TTLL1: variants seen among roughly 807,000 people sequenced by gnomAD.
TTLL1 encodes the protein polyglutamylase complex subunit TTLL1.
A neutral mutation model predicts 47.8 loss-of-function variants in TTLL1; 33 were observed. The ratio of observed to expected loss-of-function variants is 0.69; its 90% CI spans 0.52 to 0.92. The LOEUF is 0.92. TTLL1 is among the 40% of genes least tolerant of loss of function. The pLI is 0.00. For missense variants in TTLL1, 488 were observed against 547.5 expected (o/e 0.89, Z 1.08); for synonymous variants, 225 against 214.1 (o/e 1.05, Z -0.45).
In TTLL1 at chr22:43,063,834, G is replaced by A. The variant is rs140652641; in HGVS notation, c.726C>T (p.Asn242=). The change falls in exon 7 of 11, where the codon AAC becomes AAT. Residue 242 remains asparagine, a synonymous_variant. Coordinates refer to ENST00000266254, the MANE Select transcript of TTLL1 (RefSeq NM_012263.5). ...ELDNMFVHLT[N]VAIQKHGEDY... is the part of the protein sequence containing the mutation. Reference sequence around the variant, plus strand: ...TCACCCCGTGTTTCTGGATGGCGACGTTGGTGAGATGAACGAACATGTTGT... The same window carrying A: ...TCACCCCGTGTTTCTGGATGGCGACATTGGTGAGATGAACGAACATGTTGT... The A allele has an allele frequency of 6.8e-5, 109 of 1,613,884 alleles. 1 individual carries two copies. The highest frequency in any genetic ancestry group is 2.6e-4 in the South Asian group (24 of 91,080).
chr22:43,086,457 T>C (rs1021372102), intron 1 of TTLL1, among the ~76,000 whole-genome samples: 1 of 152,074 alleles, frequency 6.6e-6, no homozygotes, highest in East Asian at 1.9e-4. Context: ...AGGTTTCCCA[T>C]GAACACCCTG....
chr22:43,057,408 C>T (rs902241874), intron 8 of TTLL1, among the ~76,000 whole-genome samples: 7 of 152,108 alleles, frequency 4.6e-5, no homozygotes, highest in African/African-American at 1.7e-4. Context: ...CTGTGCCCGG[C>T]CAATTTCATA....
In TTLL1 at chr22:43,059,236, C is replaced by T. The variant is rs548610285; in HGVS notation, c.891+148G>A. On this transcript the variant is annotated intron_variant, in intron 8 of 10. Coordinates refer to ENST00000266254, the MANE Select transcript of TTLL1 (RefSeq NM_012263.5). ...CTCAAACTTCTGACCTCAGGTGATC[C>T]GCCCGCCTCGGCCTCCCAGCTTGCT... 2.0e-5 allele frequency: 23 copies of T among 1,140,608 alleles called. No homozygotes were observed. The Admixed American group carries it at 4.5e-4, about 22-fold the overall frequency. 70.7% of individuals were successfully genotyped at this position (1,140,608 alleles called of 1,614,324 possible).
At position 43,057,231 on chromosome 22, in the gene TTLL1, T is replaced by C. The variant is rs537712367; in HGVS notation, c.891+2153A>G. On this transcript the variant is annotated intron_variant, in intron 8 of 10. Coordinates refer to ENST00000266254, the MANE Select transcript of TTLL1 (RefSeq NM_012263.5). ...CTGCAGTGGGCTGAGATTGTGCCAC[T>C]GCACTCCAGCCTGGTCGACAGAATG... 2.7e-5 allele frequency among the ~76,000 whole-genome samples: 4 copies of C among 149,058 alleles called. No individual in the cohort carries two copies. In the South Asian group the frequency reaches 8.4e-4, roughly 31 times the overall value.
At chr22:43,084,418 G>A (rs944093193) in intron 1 of TTLL1, among the ~76,000 whole-genome samples, 6 of 152,152 alleles carry the variant, frequency 3.9e-5, no homozygotes, top group African/African-American at 1.4e-4. Context: ...CCAAAGTGTT[G>A]GGATTACAGG....
At chr22:43,083,348 G>A (rs1770941593) in intron 1 of TTLL1, among the ~76,000 whole-genome samples, 1 of 151,736 alleles carries the variant, frequency 6.6e-6, no homozygotes, top group Non-Finnish European at 1.5e-5. Flanking sequence ...CAGCCTGGGC[G>A]ACAGAGCGAG....
At chr22:43,044,591 C>A (rs1925953052) in intron 10 of TTLL1, among the ~76,000 whole-genome samples, 1 of 152,158 alleles carries the variant, frequency 6.6e-6, no homozygotes, top group Admixed American at 6.6e-5. Flanking sequence ...TAACTGTGAT[C>A]CTAACACACC....
intron 1 of TTLL1, among the ~76,000 whole-genome samples, chr22:43,086,142 G>A (rs574118002): frequency 2.6e-5 from 4 of 152,300 alleles, no homozygotes; most frequent in African/African-American, 4.8e-5. Flanking sequence ...AACAGAAAAC[G>A]GAAGTGGGGT....
intron 8 of TTLL1, among the ~76,000 whole-genome samples, chr22:43,058,758 G>A (rs1927194726): frequency 1.3e-5 from 2 of 151,966 alleles, no homozygotes; most frequent in Admixed American, 1.3e-4. Flanking sequence ...GCAATGGCGC[G>A]ATCGCGGCTC....
intron 5 of TTLL1, among the ~76,000 whole-genome samples, chr22:43,066,004 C>T (rs1927706315): frequency 6.6e-6 from 1 of 151,424 alleles, no homozygotes; most frequent in African/African-American, 2.4e-5. Context: ...ACTAAAAATA[C>T]AAAAATTAGC....
intron 3 of TTLL1, among the ~76,000 whole-genome samples, chr22:43,072,489 A>G (rs528556721): frequency 6.9e-6 from 1 of 145,350 alleles, no homozygotes; most frequent in East Asian, 2.1e-4. Context: ...TCTTTCTTTT[A>G]GAGACAAGGT....
rs900976722 is a variant in TTLL1 at position 43,087,505 on chromosome 22, C to T, written c.-90+1772G>A. ...CGCCACTGCACTCCAGCCCGGGCAA[C>T]AGAGTGAGACTCCATCTCAAAAAAA... On this transcript the variant is annotated intron_variant, in intron 1 of 10. Coordinates refer to ENST00000266254, the MANE Select transcript of TTLL1 (RefSeq NM_012263.5). Among the ~76,000 whole-genome samples, 5 of 139,772 alleles carry T rather than the reference C, an allele frequency of 3.6e-5. No homozygotes were observed. The Admixed American group carries it at 3.8e-4, about 11-fold the overall frequency. The allele number at this position is 139,772 out of a possible 152,430, so 91.7% of individuals were successfully genotyped here. A position where few individuals can be genotyped will look rare whatever the true frequency, so the allele number is the denominator to read the frequency against.
At chr22:43,057,800 G>A (rs1305298168) in intron 8 of TTLL1, among the ~76,000 whole-genome samples, 2 of 152,062 alleles carry the variant, frequency 1.3e-5, no homozygotes, top group Non-Finnish European at 2.9e-5. Flanking sequence ...CCTCATAGGT[G>A]AGATGGGAAG....
At chr22:43,053,669 C>A (rs1185582535) in intron 8 of TTLL1, among the ~76,000 whole-genome samples, 2 of 152,190 alleles carry the variant, frequency 1.3e-5, no homozygotes, top group African/African-American at 2.4e-5. Flanking sequence ...ACTCTGAGGA[C>A]AACATGCCTG....
intron 1 of TTLL1, among the ~76,000 whole-genome samples, chr22:43,081,341 T>G (rs897892658): frequency 6.6e-6 from 1 of 152,120 alleles, no homozygotes; most frequent in Non-Finnish European, 1.5e-5. Flanking sequence ...ATTCAGTGCA[T>G]GACGGAGGGA....
intron 8 of TTLL1, among the ~76,000 whole-genome samples, chr22:43,055,746 T>G (rs1265479035): frequency 6.6e-6 from 1 of 152,010 alleles, no homozygotes; most frequent in Non-Finnish European, 1.5e-5. Flanking sequence ...AGGGCTGAGA[T>G]TACAAGCATG....
intron 7 of TTLL1, among the ~76,000 whole-genome samples, chr22:43,062,218 C>T (rs1265970466): frequency 1.3e-5 from 2 of 152,222 alleles, no homozygotes; most frequent in East Asian, 1.9e-4. Context: ...TTTGGCCGGG[C>T]GCAGTAGCTC....
At chr22:43,047,824 G>A (rs1926264096) in intron 9 of TTLL1, among the ~76,000 whole-genome samples, 1 of 152,114 alleles carries the variant, frequency 6.6e-6, no homozygotes, top group Non-Finnish European at 1.5e-5. Flanking sequence ...TTGGTTAGCT[G>A]TTTCAGGCCA....
intron 3 of TTLL1, among the ~76,000 whole-genome samples, chr22:43,071,090 T>G (rs1041980354): frequency 6.6e-6 from 1 of 151,844 alleles, no homozygotes; most frequent in Admixed American, 6.6e-5. Flanking sequence ...ATTTTTATAA[T>G]TTTTTTTGTA....
Sources: allele counts gnomAD v4.1 joint callset (sites outside exome capture counted in the v4.1 genomes callset), GRCh38; gene constraint gnomAD v4.1.1; transcripts MANE v1.5; gene names NCBI Gene and HGNC (gene_info 2026-07-23, HGNC 2026-07-21).